SH3KBP1: variants seen among roughly 807,000 people sequenced by gnomAD.
SH3KBP1 encodes the protein SH3 domain-containing kinase-binding protein 1.
A neutral mutation model predicts 50.1 loss-of-function variants in SH3KBP1; 8 were observed. The observed-to-expected ratio is 0.16, with a 90% CI of 0.09 to 0.29. The LOEUF is 0.29. SH3KBP1 is among the 10% of genes least tolerant of loss of function. The pLI is 1.00. For missense variants in SH3KBP1, 377 were observed against 535.2 expected (o/e 0.70, Z 2.92); for synonymous variants, 227 against 218.6 (o/e 1.04, Z -0.34).
intron 2 of SH3KBP1, among the ~76,000 whole-genome samples, chrX:19,776,532 GTTTTTTTTTTT>G (rs72090569): frequency 3.9e-5 from 1 of 25,683 alleles, no homozygotes; most frequent in Non-Finnish European, 6.4e-5. Context: ...TGACAACCTG[GTTTTTTTTTTT>G]TTTTTTTTTT....
At chrX:19,617,545 A>AGTTTCCTTT (rs1363555997) in intron 8 of SH3KBP1, among the ~76,000 whole-genome samples, 1 of 112,547 alleles carries the variant, frequency 8.9e-6, no homozygotes. Flanking sequence ...ATTATCCTGG[A>AGTTTCCTTT]GTTTCCTTTG....
At chrX:19,573,567 G>A (rs181268840) in intron 12 of SH3KBP1, among the ~76,000 whole-genome samples, 4 of 112,181 alleles carry the variant, frequency 3.6e-5, no homozygotes, top group Non-Finnish European at 3.8e-5. Context: ...GATTACAGGC[G>A]TGAGCCACCA....
intron 6 of SH3KBP1, among the ~76,000 whole-genome samples, chrX:19,645,803 C>A (rs2061976128): frequency 8.9e-6 from 1 of 112,006 alleles, no homozygotes; most frequent in African/African-American, 3.2e-5. Context: ...GAGAAGCTGA[C>A]TCAGTCTATG....
chrX:19,727,707 C>T (rs2064257623), intron 3 of SH3KBP1, among the ~76,000 whole-genome samples: 1 of 112,365 alleles, frequency 8.9e-6, no homozygotes, highest in East Asian at 2.8e-4. Flanking sequence ...TCACTTAGGC[C>T]GGGCGTGGTG....
chrX:19,648,637 C>G (rs1402354453), intron 6 of SH3KBP1, among the ~76,000 whole-genome samples: 1 of 111,039 alleles, frequency 9.0e-6, no homozygotes, highest in Non-Finnish European at 1.9e-5. Flanking sequence ...CTCAGTGTTA[C>G]CCTTTACTGG....
intron 4 of SH3KBP1, among the ~76,000 whole-genome samples, chrX:19,699,662 C>T (rs2063500706): frequency 8.9e-6 from 1 of 112,466 alleles, no homozygotes; most frequent in Non-Finnish European, 1.9e-5. Context: ...GAGGGCCTTG[C>T]AATTTTCATG....
At chrX:19,662,706 A>G (rs1338793302) in intron 6 of SH3KBP1, among the ~76,000 whole-genome samples, 1 of 111,493 alleles carries the variant, frequency 9.0e-6, no homozygotes, top group East Asian at 2.8e-4. Flanking sequence ...AGTATATCAT[A>G]ATTTTAAAAT....
chrX:19,568,768 C>T lies in SH3KBP1; in HGVS notation c.1384+335G>A, dbSNP rs1349296833. 3.5e-5 allele frequency among the ~76,000 whole-genome samples: 4 copies of T among 113,046 alleles called. No homozygotes were observed. In the South Asian group the frequency reaches 1.4e-3, roughly 40 times the overall value. ...CCTGCCATCTCACATTTGCATCCAT[C>T]CACCTTTTTACACAAAATACACAAA... On this transcript the variant is annotated intron_variant, in intron 13 of 17. Coordinates refer to ENST00000397821, the MANE Select transcript of SH3KBP1 (RefSeq NM_031892.3).
At chrX:19,811,781 C>G (rs1251391473) in intron 2 of SH3KBP1, among the ~76,000 whole-genome samples, 4 of 111,779 alleles carry the variant, frequency 3.6e-5, no homozygotes, top group African/African-American at 1.3e-4. Context: ...AAGTACAACC[C>G]CAAGAGCTTC....
intron 12 of SH3KBP1, among the ~76,000 whole-genome samples, chrX:19,570,045 C>A (rs181462168): frequency 8.9e-6 from 1 of 111,957 alleles, no homozygotes; most frequent in South Asian, 3.7e-4. Flanking sequence ...TCCATCTCAC[C>A]GCCCCGAAGG....
chrX:19,668,967 TATATATA>T (rs1569405033), intron 6 of SH3KBP1, among the ~76,000 whole-genome samples: 14 of 50,492 alleles, frequency 2.8e-4, no homozygotes, highest in African/African-American at 1.9e-3. Context: ...TATATATATA[TATATATA>T]TTTTTTGAGA....
chrX:19,748,574 T>C (rs1407076619), intron 2 of SH3KBP1, among the ~76,000 whole-genome samples: 1 of 111,840 alleles, frequency 8.9e-6, no homozygotes, highest in Non-Finnish European at 1.9e-5. Context: ...ATTTGCCAAA[T>C]AGAGAAGCTG....
At chrX:19,718,277 G>A (rs999867245) in intron 3 of SH3KBP1, among the ~76,000 whole-genome samples, 11 of 110,657 alleles carry the variant, frequency 9.9e-5, no homozygotes, top group Non-Finnish European at 3.8e-5. Context: ...ATAAATAAAT[G>A]AATCCATTCA....
At chrX:19,613,869 C>T (rs977660216) in intron 8 of SH3KBP1, among the ~76,000 whole-genome samples, 6 of 112,388 alleles carry the variant, frequency 5.3e-5, no homozygotes, top group Non-Finnish European at 1.1e-4. Flanking sequence ...TCCCTAGTGA[C>T]GAAAGCTCCC....
intron 6 of SH3KBP1, among the ~76,000 whole-genome samples, chrX:19,658,304 G>A (rs1476010683): frequency 9.0e-6 from 1 of 111,240 alleles, no homozygotes; most frequent in African/African-American, 3.3e-5. Context: ...ATTCACCTCG[G>A]TCTTATCTGA....
intron 5 of SH3KBP1, among the ~76,000 whole-genome samples, chrX:19,690,021 A>G (rs1281723301): frequency 9.5e-6 from 1 of 105,143 alleles, no homozygotes; most frequent in Non-Finnish European, 1.9e-5. Context: ...TTTGCTATAC[A>G]TTTTTAAAAA....
At chrX:19,804,870 A>T (rs868654105) in intron 2 of SH3KBP1, among the ~76,000 whole-genome samples, 1 of 4,676 alleles carries the variant, frequency 2.1e-4, no homozygotes, top group African/African-American at 7.9e-4. Flanking sequence ...ACCCGCCCCC[A>T]GCCCAAACCC....
chrX:19,569,018 C>T, intron 13 of SH3KBP1, 85 bp downstream of exon 13: 1 of 823,802 alleles, frequency 1.2e-6, no homozygotes, highest in Non-Finnish European at 1.8e-6. Flanking sequence ...TTTATTACTT[C>T]TCATCATGCT....
intron 2 of SH3KBP1, among the ~76,000 whole-genome samples, chrX:19,754,354 C>A (rs2065149150): frequency 8.9e-6 from 1 of 112,016 alleles, no homozygotes; most frequent in African/African-American, 3.2e-5. Flanking sequence ...TTTGCCCACA[C>A]CCCGCTAAAC....
Sources: allele counts gnomAD v4.1 joint callset (sites outside exome capture counted in the v4.1 genomes callset), GRCh38; gene constraint gnomAD v4.1.1; transcripts MANE v1.5; gene names NCBI Gene and HGNC (gene_info 2026-07-23, HGNC 2026-07-21).